Variants in PCDHGA6 observed in about 807,000 individuals in gnomAD.
PCDHGA6 encodes protocadherin gamma subfamily A, 6.
Under a neutral mutation model 60.6 loss-of-function variants are expected in PCDHGA6, and 41 were observed. The ratio of observed to expected loss-of-function variants is 0.68; its 90% CI spans 0.53 to 0.88. The LOEUF (loss-of-function observed/expected upper bound fraction) is 0.88, where lower values mean the gene tolerates loss of function less well. PCDHGA6 is among the 40% of genes least tolerant of loss of function. The pLI, the probability that PCDHGA6 is intolerant of heterozygous loss-of-function variation, is 0.00. For missense variants in PCDHGA6, 1,312 were observed against 1,203.0 expected, an observed-to-expected ratio of 1.09 and a Z score of -1.34; for synonymous variants, 594 against 524.4, an observed-to-expected ratio of 1.13 and a Z score of -1.81.
In PCDHGA6 at chr5:141,485,865, C is replaced by T. The variant is rs1214425261; in HGVS notation, c.2425-8942C>T. The stretch of plus-strand genomic sequence containing the variant: ...TCTGGCACCGCAGAGCTCCGGGTAT[C>T]CGTGCTGGACGTAAACGACAACGCC... On this transcript the variant is annotated intron_variant, in intron 1 of 3. Transcript: ENST00000517434. The surrounding 1 kb of genome is among the most constrained non-coding windows in gnomAD (Gnocchi z 5.7). 23 of 1,614,182 alleles carry T rather than the reference C, an allele frequency of 1.4e-5. No homozygotes were observed. Among genetic ancestry groups the T allele is most frequent in the Non-Finnish European group, 1.8e-5 (21 of 1,180,034 alleles).
intron 2 of PCDHGA6, among the ~76,000 whole-genome samples, chr5:141,501,109 C>T (rs909874167): frequency 2.0e-5 from 3 of 152,106 alleles, no homozygotes; most frequent in South Asian, 2.1e-4. Context: ...CCTCGTGATC[C>T]GCCTGCCTCA....
At chr5:141,413,230 C>A in intron 1 of PCDHGA6, 1 of 1,613,942 alleles carries the variant, frequency 6.2e-7, no homozygotes. Context: ...CGGGCTGGTC[C>A]TGCTCTGCCT....
chr5:141,492,224 T>C (rs2099738444), intron 1 of PCDHGA6, among the ~76,000 whole-genome samples: 1 of 152,134 alleles, frequency 6.6e-6, no homozygotes, highest in South Asian at 2.1e-4. Flanking sequence ...CTCATGCGTG[T>C]CCTCCCTGCT....
intron 1 of PCDHGA6, chr5:141,414,681 G>A: frequency 6.2e-7 from 1 of 1,613,954 alleles, no homozygotes; most frequent in African/African-American, 1.3e-5. Context: ...CCATCCAGGG[G>A]GTACCTCTGT....
chr5:141,507,613 T>G (rs1003099044), intron 3 of PCDHGA6, among the ~76,000 whole-genome samples: 1 of 152,248 alleles, frequency 6.6e-6, no homozygotes, highest in African/African-American at 2.4e-5. Context: ...ACAGGTATAT[T>G]TAGCTGTTGT....
intron 1 of PCDHGA6, among the ~76,000 whole-genome samples, chr5:141,481,695 T>A (rs2099542216): frequency 1.3e-5 from 2 of 152,122 alleles, no homozygotes; most frequent in Non-Finnish European, 2.9e-5. Context: ...GGCTCACGCC[T>A]GTAATCCCAG....
chr5:141,444,364 T>C (rs1191889941), intron 1 of PCDHGA6, among the ~76,000 whole-genome samples: 2 of 151,718 alleles, frequency 1.3e-5, no homozygotes, highest in Admixed American at 1.3e-4. Context: ...AGAGACGGGG[T>C]TTCTCCATGT....
In PCDHGA6 at chr5:141,432,872, C is replaced by A. The variant is rs73280906; in HGVS notation, c.2424+56365C>A. The stretch of plus-strand genomic sequence containing the variant: ...GGTGGCCGCGGTCTCCTGCGTCTTC[C>A]TGGCCTTCGTCATCTTGCTGCTGGC... On this transcript the variant is annotated intron_variant, in intron 1 of 3. Transcript: ENST00000517434. The surrounding 1 kb of genome is among the most constrained non-coding windows in gnomAD (Gnocchi z 6.0). 2,361 of 1,614,192 alleles carry A rather than the reference C, an allele frequency of 1.5e-3. 32 individuals carry two copies. In the African/African-American group the frequency reaches 0.028, roughly 19 times the overall value.
intron 1 of PCDHGA6, chr5:141,419,828 AC>A (rs1189387492): frequency 6.2e-7 from 1 of 1,614,022 alleles, no homozygotes; most frequent in Non-Finnish European, 8.5e-7. Flanking sequence ...CCTTTCAGCC[AC>A]TGCCACGCTG....
chr5:141,485,674 T>C lies in PCDHGA6; in HGVS notation c.2425-9133T>C. 1 of 1,612,986 alleles carries C rather than the reference T, an allele frequency of 6.2e-7. No homozygotes were observed. Among genetic ancestry groups the C allele is most frequent in the South Asian group, 1.1e-5 (1 of 91,072 alleles). Reference sequence around the variant, plus strand: ...ATGCAGATGTGGGGAGCAATTCGATTAGCAGCTATAGGCTGAGCTCCAATG... The same window carrying C: ...ATGCAGATGTGGGGAGCAATTCGATCAGCAGCTATAGGCTGAGCTCCAATG... On this transcript the variant is annotated intron_variant, in intron 1 of 3. Transcript: ENST00000517434. This position sits in a 1 kb window ranked among gnomAD's most constrained non-coding sequence, Gnocchi z 5.7.
intron 1 of PCDHGA6, chr5:141,405,414 T>C (rs758249146): frequency 1.1e-4 from 169 of 1,562,196 alleles, no homozygotes; most frequent in Non-Finnish European, 1.5e-4. Context: ...TTTCTTTTTT[T>C]GTTTTTTGTT....
chr5:141,415,056 G>T, intron 1 of PCDHGA6: 1 of 1,613,416 alleles, frequency 6.2e-7, no homozygotes. Context: ...GGGAGCACAC[G>T]GGCGAGGTGC....
intron 1 of PCDHGA6, chr5:141,394,332 A>T (rs1270394666): frequency 1.9e-6 from 3 of 1,614,010 alleles, no homozygotes; most frequent in Non-Finnish European, 2.5e-6. Flanking sequence ...GTATATCTCC[A>T]TCAACTCTGA....
rs746063311 is a variant in PCDHGA6, at chr5:141,376,553, G to C, written c.2424+46G>C. 1.7e-5 allele frequency: 28 copies of C among 1,610,698 alleles called. No homozygotes were observed. The Admixed American group carries it at 2.2e-4, about 13-fold the overall frequency. On this transcript the variant is annotated intron_variant, in intron 1 of 3. Coordinates refer to ENST00000517434, the MANE Select transcript of PCDHGA6 (RefSeq NM_018919.3). ...GCGGGAAGAGTAATCTGATCTTCCC[G>C]CAACCCAACTAATCAGACAGGCTCA...
intron 1 of PCDHGA6, chr5:141,388,729 G>A (rs1407038729): frequency 6.2e-7 from 1 of 1,614,012 alleles, no homozygotes; most frequent in Non-Finnish European, 8.5e-7. Flanking sequence ...TTCTCTTTCA[G>A]TGAAGCTAGC....
chr5:141,403,229 G>C, intron 1 of PCDHGA6: 1 of 1,613,950 alleles, frequency 6.2e-7, no homozygotes, highest in Non-Finnish European at 8.5e-7. Flanking sequence ...GATAGACCGG[G>C]AGGAGCTCTG....
At chr5:141,390,486 G>A (rs1348752991) in intron 1 of PCDHGA6, 3 of 649,258 alleles carry the variant, frequency 4.6e-6, no homozygotes, top group Non-Finnish European at 7.7e-6. Context: ...ACATTTGTTT[G>A]TTTTTTAGCC....
chr5:141,434,820 G>A (rs953824837), intron 1 of PCDHGA6, among the ~76,000 whole-genome samples: 1 of 151,302 alleles, frequency 6.6e-6, no homozygotes, highest in Admixed American at 6.6e-5. Flanking sequence ...ATATCCCTTA[G>A]TACACTTGGC....
At chr5:141,393,147 G>A in intron 1 of PCDHGA6, 2 of 1,613,298 alleles carry the variant, frequency 1.2e-6, no homozygotes, top group Non-Finnish European at 1.7e-6. Flanking sequence ...CCTGGTTGAG[G>A]ATAAAGGAAA....
Sources: allele counts gnomAD v4.1 joint callset (sites outside exome capture counted in the v4.1 genomes callset), GRCh38; gene constraint gnomAD v4.1.1; non-coding constraint Gnocchi (gnomAD v3.1); transcripts MANE v1.5; gene names NCBI Gene and HGNC (gene_info 2026-07-23, HGNC 2026-07-21).